The following GRIA1 variants were observed in gnomAD, a reference collection of about 807,000 sequenced individuals.
GRIA1 encodes glutamate ionotropic receptor AMPA type subunit 1, also known as glutamate receptor 1.
GRIA1 carries 31 observed loss-of-function variants against 99.2 expected under a neutral mutation model. The observed-to-expected ratio is 0.31, with a 90% CI of 0.23 to 0.42. The LOEUF is 0.42. Among genes scored for constraint, GRIA1 ranks in the 10% least tolerant of loss-of-function variants. The pLI, the probability that GRIA1 is intolerant of heterozygous loss-of-function variation, is 1.00. For synonymous variants in GRIA1, 438 were observed against 432.4 expected, an observed-to-expected ratio of 1.01 and a Z score of -0.16; for missense variants, 782 against 1,157.5, an observed-to-expected ratio of 0.68 and a Z score of 4.71.
chr5:153,501,587 C>T (rs1468279581), intron 2 of GRIA1, among the ~76,000 whole-genome samples: 1 of 152,186 alleles, frequency 6.6e-6, no homozygotes, highest in Admixed American at 6.5e-5. Context: ...GTTTAGATTT[C>T]TGTTTTCTCA....
At chr5:153,720,160 TGAA>T (rs1759953026) in intron 11 of GRIA1, among the ~76,000 whole-genome samples, 1 of 152,268 alleles carries the variant, frequency 6.6e-6, no homozygotes. Flanking sequence ...AAACTAAGGT[TGAA>T]GAAGTTCACA....
At chr5:153,516,762 C>T (rs1756666811) in intron 2 of GRIA1, among the ~76,000 whole-genome samples, 4 of 152,002 alleles carry the variant, frequency 2.6e-5, no homozygotes, top group Admixed American at 2.0e-4. Context: ...AGCATGGGGG[C>T]GTATTGTGAT....
At chr5:153,575,197 A>AAGAGAGAGAGAGAGAGAGAG (rs3064338) in intron 2 of GRIA1, among the ~76,000 whole-genome samples, 1 of 147,660 alleles carries the variant, frequency 6.8e-6, no homozygotes, top group East Asian at 2.0e-4. Flanking sequence ...TCAAGAGAGA[A>AAGAGAGAGAGAGAGAGAGAG]AGAGAGAGAG....
Position 153,685,075 on chromosome 5 carries a change from T to C in GRIA1, c.1030-1150T>C, listed in dbSNP as rs192218372. On this transcript the variant is annotated intron_variant, in intron 7 of 15. Transcript: ENST00000285900. ...ACTGTCAGAAAAAAATATAAAACTC[T>C]GCAAAGCTTCCTTTTAAGCCATTTG... 3.0e-3 allele frequency among the ~76,000 whole-genome samples: 450 copies of C among 152,296 alleles called. 4 individuals carry two copies. The highest frequency in any genetic ancestry group is 0.01 in the African/African-American group (420 of 41,576).
chr5:153,770,913 A>AATAGCACCAAATTAATT (rs1763844388), intron 13 of GRIA1, among the ~76,000 whole-genome samples: 1 of 152,232 alleles, frequency 6.6e-6, no homozygotes, highest in Admixed American at 6.5e-5. Context: ...GCATCTAATG[A>AATAGCACCAAATTAATT]ATAGCACCAA....
chr5:153,761,121 A>AT (rs1342932815), intron 11 of GRIA1, among the ~76,000 whole-genome samples: 1 of 152,118 alleles, frequency 6.6e-6, no homozygotes, highest in Non-Finnish European at 1.5e-5. Flanking sequence ...CTGGGCAAGG[A>AT]TTTTTTAAAC....
intron 2 of GRIA1, among the ~76,000 whole-genome samples, chr5:153,603,578 G>A (rs996843421): frequency 1.3e-5 from 2 of 152,208 alleles, no homozygotes; most frequent in Admixed American, 6.5e-5. Context: ...AGGTAGTAAA[G>A]GCTTGAGAAG....
At chr5:153,758,402 G>A (rs907904670) in intron 11 of GRIA1, among the ~76,000 whole-genome samples, 1 of 151,878 alleles carries the variant, frequency 6.6e-6, no homozygotes, top group African/African-American at 2.4e-5. Flanking sequence ...TGGAGCAGGA[G>A]TAGTCACACT....
intron 11 of GRIA1, among the ~76,000 whole-genome samples, chr5:153,730,214 G>T (rs1160473794): frequency 3.9e-5 from 6 of 151,948 alleles, no homozygotes. Flanking sequence ...TTTCTAACAA[G>T]CTCTCAGGTG....
chr5:153,736,017 A>G (rs563670201), intron 11 of GRIA1, among the ~76,000 whole-genome samples: 15 of 152,312 alleles, frequency 9.8e-5, no homozygotes, highest in Middle Eastern at 3.4e-3. Context: ...GGACTTCAGT[A>G]TTTTAGGAAT....
At chr5:153,737,590 C>T (rs935587551) in intron 11 of GRIA1, among the ~76,000 whole-genome samples, 3 of 152,160 alleles carry the variant, frequency 2.0e-5, no homozygotes, top group African/African-American at 7.2e-5. Context: ...GCCTGGTTTT[C>T]CTCACCTGTA....
At chr5:153,536,062 G>T (rs1208785132) in intron 2 of GRIA1, among the ~76,000 whole-genome samples, 2 of 152,216 alleles carry the variant, frequency 1.3e-5, no homozygotes, top group East Asian at 3.9e-4. Flanking sequence ...GGGAAATCCA[G>T]CCTCCGTAGT....
chr5:153,578,171 A>G (rs1179995222), intron 2 of GRIA1, among the ~76,000 whole-genome samples: 2 of 116,958 alleles, frequency 1.7e-5, no homozygotes, highest in Non-Finnish European at 3.7e-5. Flanking sequence ...AAAAAAAAAA[A>G]AAGAAAGAAA....
At chr5:153,517,918 C>A (rs749946788) in intron 2 of GRIA1, among the ~76,000 whole-genome samples, 1 of 152,214 alleles carries the variant, frequency 6.6e-6, no homozygotes, top group Non-Finnish European at 1.5e-5. Flanking sequence ...CAAGGCCCTC[C>A]ATGAACCTGT....
intron 2 of GRIA1, among the ~76,000 whole-genome samples, chr5:153,633,079 C>T (rs1456876510): frequency 3.3e-5 from 5 of 152,006 alleles, no homozygotes; most frequent in Non-Finnish European, 5.9e-5. Context: ...GATTGGCAAA[C>T]TGTTAGGAAT....
intron 3 of GRIA1, 152 bp from the exon 4 acceptor site, chr5:153,650,178 G>T (rs1754450215): frequency 1.6e-6 from 1 of 609,374 alleles, no homozygotes; most frequent in East Asian, 2.8e-5. Flanking sequence ...ATCTCACAGA[G>T]TTCAGAGTTT....
At chr5:153,690,649 G>C (rs1310770477) in intron 8 of GRIA1, among the ~76,000 whole-genome samples, 1 of 152,210 alleles carries the variant, frequency 6.6e-6, no homozygotes, top group Non-Finnish European at 1.5e-5. Context: ...ATTTGGGGGA[G>C]TCAGGCTGTG....
At chr5:153,641,801 G>A (rs975690036) in intron 2 of GRIA1, among the ~76,000 whole-genome samples, 10 of 152,172 alleles carry the variant, frequency 6.6e-5, no homozygotes, top group Non-Finnish European at 1.2e-4. Flanking sequence ...CAAAGGATGG[G>A]GTTAGGTGTC....
At chr5:153,489,697 T>A (rs1413307420), upstream of GRIA1, 5 of 437,550 alleles carry the variant, frequency 1.1e-5, no homozygotes, top group Non-Finnish European at 1.8e-5. Context: ...TCTCTACAGG[T>A]TATTTCAGCA....
Sources: allele counts gnomAD v4.1 joint callset (sites outside exome capture counted in the v4.1 genomes callset), GRCh38; gene constraint gnomAD v4.1.1; transcripts MANE v1.5; gene names NCBI Gene and HGNC (gene_info 2026-07-23, HGNC 2026-07-21).